Variants in NDUFAF2 observed in about 807,000 individuals in gnomAD.
NDUFAF2 encodes the protein NADH:ubiquinone oxidoreductase complex assembly factor 2, also known as NADH dehydrogenase [ubiquinone] 1 alpha subcomplex assembly factor 2.
NDUFAF2 carries 13 observed loss-of-function variants against 22.8 expected under a neutral mutation model. The ratio of observed to expected loss-of-function variants is 0.57; its 90% CI spans 0.37 to 0.91. The LOEUF (loss-of-function observed/expected upper bound fraction) is 0.91, where lower values mean the gene tolerates loss of function less well. NDUFAF2 is among the 40% of genes least tolerant of loss of function. The probability of loss-of-function intolerance (pLI) is 0.01; values close to 1 mark genes in which losing one functional copy is unlikely to be tolerated. For synonymous variants in NDUFAF2, 53 were observed against 64.2 expected, an observed-to-expected ratio of 0.83 and a Z score of 0.84; for missense variants, 162 against 195.2, an observed-to-expected ratio of 0.83 and a Z score of 1.01.
chr5:60,972,776 T>G (rs1324161406), intron 1 of NDUFAF2, among the ~76,000 whole-genome samples: 1 of 150,766 alleles, frequency 6.6e-6, no homozygotes, highest in African/African-American at 2.4e-5. Flanking sequence ...GTATTCTGTT[T>G]TTTTTTTTTT....
intron 3 of NDUFAF2, among the ~76,000 whole-genome samples, chr5:61,108,570 T>A (rs561886063): frequency 1.3e-5 from 2 of 151,372 alleles, no homozygotes; most frequent in Non-Finnish European, 2.9e-5. Flanking sequence ...TTCCCCAATG[T>A]TTTCCTTTAG....
At chr5:61,151,789 C>A (rs745461024) in intron 3 of NDUFAF2, among the ~76,000 whole-genome samples, 4 of 119,778 alleles carry the variant, frequency 3.3e-5, no homozygotes, top group Non-Finnish European at 5.4e-5. Context: ...AGCAAAACTC[C>A]GTCTCAAAAA....
intron 3 of NDUFAF2, among the ~76,000 whole-genome samples, chr5:61,113,656 A>C (rs1324113660): frequency 2.6e-5 from 4 of 152,262 alleles, no homozygotes; most frequent in Non-Finnish European, 1.5e-5. Context: ...CATGTGAAGA[A>C]GGACATGTTT....
intron 1 of NDUFAF2, among the ~76,000 whole-genome samples, chr5:60,947,866 T>C (rs1750484343): frequency 6.6e-6 from 1 of 152,118 alleles, no homozygotes; most frequent in South Asian, 2.1e-4. Flanking sequence ...CCATTAAAGT[T>C]TCAAATTAAC....
chr5:60,977,160 G>C (rs1263928169), intron 1 of NDUFAF2, among the ~76,000 whole-genome samples: 1 of 152,016 alleles, frequency 6.6e-6, no homozygotes, highest in African/African-American at 2.4e-5. Flanking sequence ...GAGTGTGGTG[G>C]CTCACAGCTA....
intron 2 of NDUFAF2, among the ~76,000 whole-genome samples, chr5:61,097,576 T>C (rs199562209): frequency 6.6e-6 from 1 of 151,860 alleles, no homozygotes; most frequent in Non-Finnish European, 1.5e-5. Flanking sequence ...TAGTGGCTGG[T>C]GAATGGATAA....
intron 1 of NDUFAF2, among the ~76,000 whole-genome samples, chr5:60,999,733 G>A (rs983493976): frequency 1.3e-5 from 2 of 152,100 alleles, no homozygotes; most frequent in Admixed American, 6.6e-5. Flanking sequence ...TTTTAAGAAA[G>A]AATAACTAGT....
At chr5:61,071,266 C>T (rs1752296343) in intron 1 of NDUFAF2, among the ~76,000 whole-genome samples, 1 of 152,124 alleles carries the variant, frequency 6.6e-6, no homozygotes, top group Non-Finnish European at 1.5e-5. Context: ...AAGGTAACTC[C>T]TCTTTGTAGA....
At chr5:61,147,227 A>G (rs1321045638) in intron 3 of NDUFAF2, among the ~76,000 whole-genome samples, 1 of 151,394 alleles carries the variant, frequency 6.6e-6, no homozygotes, top group Non-Finnish European at 1.5e-5. Flanking sequence ...CCATTAATTG[A>G]CATGTGAACC....
At chr5:61,095,512 G>A (rs573452046) in intron 2 of NDUFAF2, among the ~76,000 whole-genome samples, 15 of 152,314 alleles carry the variant, frequency 9.8e-5, no homozygotes, top group South Asian at 2.1e-4. Flanking sequence ...CCTCGATTCA[G>A]CCTTCTTCCT....
intron 1 of NDUFAF2, among the ~76,000 whole-genome samples, chr5:61,020,978 G>A (rs1751575110): frequency 6.7e-6 from 1 of 148,796 alleles, no homozygotes; most frequent in Non-Finnish European, 1.5e-5. Flanking sequence ...ACAGGCATGA[G>A]CCACTGCGTC....
At chr5:61,108,141 A>T (rs1752791927) in intron 3 of NDUFAF2, among the ~76,000 whole-genome samples, 1 of 148,802 alleles carries the variant, frequency 6.7e-6, no homozygotes, top group Non-Finnish European at 1.5e-5. Flanking sequence ...TGCTATTGTG[A>T]ATAGTGCTGC....
intron 2 of NDUFAF2, among the ~76,000 whole-genome samples, chr5:61,083,013 T>C (rs1354410107): frequency 6.6e-6 from 1 of 152,190 alleles, no homozygotes; most frequent in African/African-American, 2.4e-5. Flanking sequence ...AGTGTTCCCA[T>C]TTCTTTGCAA....
At chr5:61,082,372 A>G (rs922300629) in intron 2 of NDUFAF2, among the ~76,000 whole-genome samples, 2 of 152,156 alleles carry the variant, frequency 1.3e-5, no homozygotes, top group Non-Finnish European at 2.9e-5. Flanking sequence ...AGTTGGGACT[A>G]CAGACACACA....
chr5:61,017,201 T>G (rs1302800204), intron 1 of NDUFAF2, among the ~76,000 whole-genome samples: 1 of 152,168 alleles, frequency 6.6e-6, no homozygotes, highest in African/African-American at 2.4e-5. Context: ...TAAGATGATT[T>G]TGGAATAAGA....
chr5:61,006,865 T>C (rs1751373603), intron 1 of NDUFAF2, among the ~76,000 whole-genome samples: 1 of 152,140 alleles, frequency 6.6e-6, no homozygotes, highest in Admixed American at 6.6e-5. Flanking sequence ...GTCAAGGCGT[T>C]TGAATAACCA....
At chr5:61,044,952 C>T (rs566087278) in intron 1 of NDUFAF2, among the ~76,000 whole-genome samples, 31 of 150,998 alleles carry the variant, frequency 2.1e-4, no homozygotes, top group South Asian at 8.3e-4. Context: ...TCTTTCAATC[C>T]GTGAACATGG....
At chr5:61,135,862 C>A (rs1343708354) in intron 3 of NDUFAF2, among the ~76,000 whole-genome samples, 1 of 151,160 alleles carries the variant, frequency 6.6e-6, no homozygotes, top group Non-Finnish European at 1.5e-5. Flanking sequence ...AGCTGCTGGC[C>A]TTCTCAAACT....
intron 1 of NDUFAF2, among the ~76,000 whole-genome samples, chr5:61,001,353 A>C (rs973823129): frequency 3.9e-5 from 6 of 152,146 alleles, no homozygotes; most frequent in African/African-American, 1.4e-4. Flanking sequence ...GGAGAACGCA[A>C]TGAATAATTT....
Sources: allele counts gnomAD v4.1 joint callset (sites outside exome capture counted in the v4.1 genomes callset), GRCh38; gene constraint gnomAD v4.1.1; transcripts MANE v1.5; gene names NCBI Gene and HGNC (gene_info 2026-07-23, HGNC 2026-07-21).